Variants in JAKMIP2 observed in about 807,000 individuals in gnomAD.
JAKMIP2 encodes the protein janus kinase and microtubule interacting protein 2.
In JAKMIP2, 25 loss-of-function variants were observed where a neutral mutation model predicts 115.0. The ratio of observed to expected loss-of-function variants is 0.22; its 90% confidence interval spans 0.16 to 0.30. The LOEUF (loss-of-function observed/expected upper bound fraction) is 0.30, where lower values mean the gene tolerates loss of function less well. Ranked by LOEUF, JAKMIP2 falls within the 10% of genes least tolerant of loss-of-function variation. The pLI, the probability that JAKMIP2 is intolerant of heterozygous loss-of-function variation, is 1.00. For missense variants in JAKMIP2, 642 were observed against 957.6 expected, an observed-to-expected ratio of 0.67 and a Z score of 4.35; for synonymous variants, 334 against 343.6, an observed-to-expected ratio of 0.97 and a Z score of 0.31.
At chr5:147,614,155 T>C (rs1387620301) in intron 19 of JAKMIP2, among the ~76,000 whole-genome samples, 1 of 152,158 alleles carries the variant, frequency 6.6e-6, no homozygotes, top group Non-Finnish European at 1.5e-5. Context: ...GTTGGGCACC[T>C]CCTTACATGC....
At chr5:147,615,363 G>A (rs1019263754) in intron 19 of JAKMIP2, among the ~76,000 whole-genome samples, 2 of 152,172 alleles carry the variant, frequency 1.3e-5, no homozygotes, top group African/African-American at 4.8e-5. Context: ...ACTTTAGGAT[G>A]AGCAATTATG....
chr5:147,716,074 T>G (rs1460351348), intron 1 of JAKMIP2, among the ~76,000 whole-genome samples: 3 of 144,934 alleles, frequency 2.1e-5, no homozygotes, highest in Admixed American at 6.9e-5. Context: ...AATTCCCACG[T>G]ATGAGTGAGA....
intron 2 of JAKMIP2, 51 bp downstream of exon 2, chr5:147,671,627 A>G (rs1305901726): frequency 7.5e-7 from 1 of 1,334,734 alleles, no homozygotes. Context: ...CTGCATGTGG[A>G]CACAGCCAGA....
intron 1 of JAKMIP2, among the ~76,000 whole-genome samples, chr5:147,692,659 T>G (rs552575655): frequency 3.0e-4 from 46 of 152,274 alleles, no homozygotes; most frequent in Non-Finnish European, 5.7e-4. Flanking sequence ...AAACATTTTT[T>G]AAATGAAAGA....
At chr5:147,711,768 A>C (rs1752791527) in intron 1 of JAKMIP2, among the ~76,000 whole-genome samples, 1 of 152,086 alleles carries the variant, frequency 6.6e-6, no homozygotes, top group East Asian at 1.9e-4. Flanking sequence ...CCTGGGTTGA[A>C]GCGATTCTCC....
At chr5:147,689,090 T>TG (rs573288691) in intron 1 of JAKMIP2, among the ~76,000 whole-genome samples, 10 of 152,052 alleles carry the variant, frequency 6.6e-5, no homozygotes, top group African/African-American at 1.7e-4. Context: ...GGCTGATGCC[T>TG]GGGGGGGAAA....
chr5:147,774,832 A>T (rs541397125), intron 1 of JAKMIP2, among the ~76,000 whole-genome samples: 2 of 152,296 alleles, frequency 1.3e-5, no homozygotes, highest in Admixed American at 1.3e-4. Context: ...TCCAGTTTGG[A>T]AAAGATGGCA....
chr5:147,729,661 C>G (rs1753652184), intron 1 of JAKMIP2, among the ~76,000 whole-genome samples: 1 of 151,696 alleles, frequency 6.6e-6, no homozygotes. Flanking sequence ...GTAGTCCCAG[C>G]TACTCGGGAG....
At chr5:147,632,646 A>C (rs1173275575) in intron 13 of JAKMIP2, 34 bp downstream of exon 13, 1 of 1,323,302 alleles carries the variant, frequency 7.6e-7, no homozygotes, top group Admixed American at 1.8e-5. Context: ...AATCATTACG[A>C]TTATTTTTAT....
intron 1 of JAKMIP2, among the ~76,000 whole-genome samples, chr5:147,729,493 G>A (rs139352227): frequency 6.6e-6 from 1 of 152,184 alleles, no homozygotes; most frequent in African/African-American, 2.4e-5. Flanking sequence ...CTTTGTTCTG[G>A]CCAGGAGCTG....
intron 6 of JAKMIP2, 58 bp from the exon 7 acceptor site, chr5:147,644,256 G>A: frequency 7.0e-7 from 1 of 1,421,072 alleles, no homozygotes; most frequent in South Asian, 1.7e-5. Flanking sequence ...AACTTTGGTT[G>A]TTAACATAAA....
intron 13 of JAKMIP2, among the ~76,000 whole-genome samples, chr5:147,632,307 T>C (rs1757398461): frequency 6.6e-6 from 1 of 152,192 alleles, no homozygotes; most frequent in Admixed American, 6.5e-5. Flanking sequence ...TAACATGTTT[T>C]AATGAGTCAA....
chr5:147,711,444 G>A (rs1752777398), intron 1 of JAKMIP2, among the ~76,000 whole-genome samples: 1 of 152,282 alleles, frequency 6.6e-6, no homozygotes, highest in Middle Eastern at 3.4e-3. Flanking sequence ...CAATCAGGCA[G>A]AGAAAACAAA....
At chr5:147,595,970 G>T (rs1349155168) in intron 21 of JAKMIP2, among the ~76,000 whole-genome samples, 1 of 152,110 alleles carries the variant, frequency 6.6e-6, no homozygotes, top group Non-Finnish European at 1.5e-5. Context: ...ATGCCCTTGT[G>T]GGAATCACAA....
rs755006646 is a variant in JAKMIP2, at chr5:147,742,155, A to ATTTTT, written c.-149+40296_-149+40300dup. Among the ~76,000 whole-genome samples, 624 of 108,876 alleles carry ATTTTT rather than the reference A, an allele frequency of 5.7e-3. 40 individuals carry two copies. Among genetic ancestry groups the ATTTTT allele is most frequent in the South Asian group, 0.023 (75 of 3,220 alleles). The allele number at this position is 108,876 out of a possible 152,430, so 71.4% of individuals were successfully genotyped here. Reference sequence around the variant, plus strand: ...TGTGGATCATTATATATATATATATATTTTTTTTACTATTGTATTGTATCT... The same window carrying ATTTTT: ...TGTGGATCATTATATATATATATATATTTTTTTTTTTTTACTATTGTATTGTATCT... On this transcript the variant is annotated intron_variant, in intron 1 of 21. Coordinates refer to ENST00000616793, the MANE Select transcript of JAKMIP2 (RefSeq NM_001270941.2).
At chr5:147,735,963 T>C (rs1753906172) in intron 1 of JAKMIP2, among the ~76,000 whole-genome samples, 1 of 152,052 alleles carries the variant, frequency 6.6e-6, no homozygotes, top group Non-Finnish European at 1.5e-5. Flanking sequence ...AGAAAGTCAT[T>C]CAACTTGTTA....
At chr5:147,772,936 T>C (rs1159666101) in intron 1 of JAKMIP2, among the ~76,000 whole-genome samples, 1 of 152,110 alleles carries the variant, frequency 6.6e-6, no homozygotes, top group Non-Finnish European at 1.5e-5. Context: ...AGATGCATAA[T>C]AGATGCTCAA....
At chr5:147,695,291 T>A (rs1432828) in intron 1 of JAKMIP2, among the ~76,000 whole-genome samples, 42,057 of 151,870 alleles carry the variant, frequency 0.28, 6,773 homozygotes, top group East Asian at 0.5. Context: ...GAAAAGAAAA[T>A]TGGCACCAAT....
chr5:147,654,024 T>C (rs1304667304), intron 3 of JAKMIP2, among the ~76,000 whole-genome samples: 1 of 152,144 alleles, frequency 6.6e-6, no homozygotes, highest in Non-Finnish European at 1.5e-5. Context: ...TGGTTGTAGA[T>C]GTGTGGTGTT....
Sources: allele counts gnomAD v4.1 joint callset (sites outside exome capture counted in the v4.1 genomes callset), GRCh38; gene constraint gnomAD v4.1.1; transcripts MANE v1.5; gene names NCBI Gene and HGNC (gene_info 2026-07-23, HGNC 2026-07-21).